The following WDR19 variants were observed in gnomAD, a reference collection of about 807,000 sequenced individuals.
The protein encoded by WDR19 is WD repeat domain 19.
In WDR19, 121 loss-of-function variants were observed where a neutral mutation model predicts 180.0. That is an observed-to-expected ratio of 0.67 (90% CI 0.58 to 0.78). The LOEUF is 0.78. Ranked by LOEUF, WDR19 falls within the 30% of genes least tolerant of loss-of-function variation. The probability of loss-of-function intolerance (pLI) is 0.00; values close to 1 mark genes in which losing one functional copy is unlikely to be tolerated. For missense variants in WDR19, 1,450 were observed against 1,640.7 expected, an observed-to-expected ratio of 0.88 and a Z score of 2.01; for synonymous variants, 497 against 540.7, an observed-to-expected ratio of 0.92 and a Z score of 1.12.
At position 39,208,303 on chromosome 4, in the gene WDR19, ATTT is replaced by A. The variant is rs34189923; in HGVS notation, c.890+2586_890+2588del. ...AACTTATTAGACATAGACTGAGTGG[ATTT>A]TTTTTTTTTTTTTTTTTTGAGACAG... On this transcript the variant is annotated intron_variant, in intron 9 of 36. Transcript: ENST00000399820. 1.2e-3 allele frequency among the ~76,000 whole-genome samples: 119 copies of A among 103,352 alleles called. 1 individual carries two copies. The highest frequency in any genetic ancestry group is 4.9e-3 in the Middle Eastern group (1 of 206). 67.8% of individuals were successfully genotyped at this position (103,352 alleles called of 152,430 possible).
chr4:39,194,459 A>C, intron 4 of WDR19, 85 bp from the exon 5 acceptor site: 1 of 815,008 alleles, frequency 1.2e-6, no homozygotes, highest in South Asian at 2.2e-5. Context: ...GTAGATGTTA[A>C]AATTATCCAA....
intron 6 of WDR19, among the ~76,000 whole-genome samples, chr4:39,201,015 A>C (rs142374786): frequency 4.6e-3 from 695 of 152,212 alleles, no homozygotes; most frequent in Middle Eastern, 0.01. Flanking sequence ...TATAGACTAA[A>C]CTGTTGGGTC....
intron 6 of WDR19, among the ~76,000 whole-genome samples, chr4:39,201,156 C>T (rs561897856): frequency 6.6e-6 from 1 of 152,152 alleles, no homozygotes; most frequent in African/African-American, 2.4e-5. Context: ...TAAATTGTAC[C>T]GAGTCTCAGG....
chr4:39,254,871 T>C (rs1733599543), intron 26 of WDR19, among the ~76,000 whole-genome samples: 1 of 152,192 alleles, frequency 6.6e-6, no homozygotes, highest in African/African-American at 2.4e-5. Context: ...ATAAGTGGAA[T>C]CATAAAATAT....
intron 24 of WDR19, among the ~76,000 whole-genome samples, chr4:39,245,921 A>T (rs904727065): frequency 6.6e-6 from 1 of 152,176 alleles, no homozygotes; most frequent in African/African-American, 2.4e-5. Context: ...GTATAACTCT[A>T]TTGTAATACA....
At chr4:39,202,573 G>A (rs1357472835) in intron 6 of WDR19, among the ~76,000 whole-genome samples, 2 of 151,886 alleles carry the variant, frequency 1.3e-5, no homozygotes, top group East Asian at 1.9e-4. Flanking sequence ...CCTTCTGGAG[G>A]AAAATTTGGA....
At chr4:39,248,664 C>A (rs548320699) in intron 24 of WDR19, among the ~76,000 whole-genome samples, 123 of 151,840 alleles carry the variant, frequency 8.1e-4, no homozygotes, top group African/African-American at 2.9e-3. Flanking sequence ...GAAGATCTAC[C>A]AAGAAAATGG....
intron 20 of WDR19, among the ~76,000 whole-genome samples, chr4:39,236,582 C>T (rs554294716): frequency 1.7e-4 from 26 of 152,284 alleles, no homozygotes; most frequent in African/African-American, 6.3e-4. Flanking sequence ...ATGCAAAGAC[C>T]TCCACTTGCA....
chr4:39,273,156 CTCGTTTAAT>C, intron 32 of WDR19, 95 bp downstream of exon 32: 1 of 923,388 alleles, frequency 1.1e-6, no homozygotes, highest in South Asian at 1.7e-5. Context: ...CATACACTAA[CTCGTTTAAT>C]TCTCACAGCA....
chr4:39,232,113 A>G, intron 18 of WDR19, 49 bp from the exon 19 acceptor site: 1 of 1,536,750 alleles, frequency 6.5e-7, no homozygotes. Flanking sequence ...AAAAAAAAAA[A>G]GTTAAACTCT....
intron 28 of WDR19, among the ~76,000 whole-genome samples, chr4:39,261,137 C>T (rs1340260388): frequency 7.1e-6 from 1 of 141,514 alleles, no homozygotes; most frequent in African/African-American, 2.5e-5. Flanking sequence ...CACCACCACA[C>T]GCGGCTATTT....
chr4:39,232,108 A>C, intron 18 of WDR19, 54 bp from the exon 19 acceptor site: 1 of 1,570,200 alleles, frequency 6.4e-7, no homozygotes, highest in South Asian at 1.2e-5. Flanking sequence ...TTAAAAAAAA[A>C]AAAAAGTTAA....
intron 28 of WDR19, among the ~76,000 whole-genome samples, chr4:39,262,041 A>G (rs912343952): frequency 6.6e-6 from 1 of 152,102 alleles, no homozygotes; most frequent in Non-Finnish European, 1.5e-5. Flanking sequence ...TCCTTCATGG[A>G]TCATAAAATA....
At position 39,232,064 on chromosome 4, in the gene WDR19, A is replaced by T. The variant is rs1730923747; in HGVS notation, c.2143-98A>T. ...TCTTACCTCTTAAACAAGTGAATCGATAGAACGTTACCACTTCCTACTGAT... is the reference window on the plus strand; with the variant it reads ...TCTTACCTCTTAAACAAGTGAATCGTTAGAACGTTACCACTTCCTACTGAT... On this transcript the variant is annotated intron_variant, in intron 18 of 36. Transcript: ENST00000399820. 2.0e-6 allele frequency: 3 copies of T among 1,514,994 alleles called. 1 individual carries two copies. In the South Asian group the frequency reaches 3.5e-5, roughly 18 times the overall value. The allele number at this position is 1,514,994 out of a possible 1,614,324, so 93.8% of individuals were successfully genotyped here. A position where few individuals can be genotyped will look rare whatever the true frequency, so the allele number is the denominator to read the frequency against.
chr4:39,264,439 G>C (rs1280975776), intron 28 of WDR19, among the ~76,000 whole-genome samples: 1 of 152,222 alleles, frequency 6.6e-6, no homozygotes, highest in East Asian at 1.9e-4. Context: ...AGGCAGGGCA[G>C]TGTGCAGAAA....
chr4:39,186,172 A>G (rs1221842150), intron 2 of WDR19, among the ~76,000 whole-genome samples: 3 of 152,172 alleles, frequency 2.0e-5, no homozygotes, highest in African/African-American at 7.2e-5. Flanking sequence ...AGCTTTATAT[A>G]CATAGATAAA....
At chr4:39,236,424 A>T (rs1560523215) in intron 20 of WDR19, among the ~76,000 whole-genome samples, 1 of 152,208 alleles carries the variant, frequency 6.6e-6, no homozygotes, top group South Asian at 2.1e-4. Flanking sequence ...GTTCTCACTC[A>T]TAAGTGGGAG....
intron 5 of WDR19, among the ~76,000 whole-genome samples, chr4:39,197,362 G>A (rs1027494155): frequency 1.4e-5 from 2 of 146,606 alleles, no homozygotes; most frequent in Admixed American, 1.4e-4. Context: ...GGAGGCAGAA[G>A]CTGCAGTGAG....
chr4:39,213,808 G>C (rs1341168744), intron 9 of WDR19, among the ~76,000 whole-genome samples: 2 of 152,102 alleles, frequency 1.3e-5, no homozygotes, highest in African/African-American at 2.4e-5. Flanking sequence ...CCTGATTGTG[G>C]TATTATACTA....
Sources: allele counts gnomAD v4.1 joint callset (sites outside exome capture counted in the v4.1 genomes callset), GRCh38; gene constraint gnomAD v4.1.1; transcripts MANE v1.5; gene names NCBI Gene and HGNC (gene_info 2026-07-23, HGNC 2026-07-21).